RUNDC3B: variants seen among roughly 807,000 people sequenced by gnomAD.
The protein encoded by RUNDC3B is RUN domain-containing protein 3B.
RUNDC3B carries 33 observed loss-of-function variants against 58.4 expected under a neutral mutation model. The ratio of observed to expected loss-of-function variants is 0.56; its 90% CI spans 0.43 to 0.75. RUNDC3B has a LOEUF of 0.75. RUNDC3B is among the 30% of genes least tolerant of loss of function. The pLI is 0.00. For missense variants in RUNDC3B, 501 were observed against 535.7 expected, an observed-to-expected ratio of 0.94 and a Z score of 0.64; for synonymous variants, 193 against 195.2, an observed-to-expected ratio of 0.99 and a Z score of 0.10.
intron 4 of RUNDC3B, among the ~76,000 whole-genome samples, chr7:87,718,311 A>G (rs1207991820): frequency 6.6e-6 from 1 of 152,182 alleles, no homozygotes; most frequent in Non-Finnish European, 1.5e-5. Context: ...TTAGGGATTT[A>G]GTGCCTAGGG....
At position 87,645,687 on chromosome 7, in the gene RUNDC3B, A is replaced by G. The variant is rs143007812; in HGVS notation, c.123-5135A>G. 1.7e-3 allele frequency among the ~76,000 whole-genome samples: 265 copies of G among 152,308 alleles called. 1 individual carries two copies. Among genetic ancestry groups the G allele is most frequent in the African/African-American group, 6.0e-3 (248 of 41,572 alleles). On this transcript the variant is annotated intron_variant, in intron 1 of 10. Transcript: ENST00000394654. ...GCTCAGCATCTGTGTGATATTTCTT[A>G]GATATATTAAAATTCTTTCTACAGG... is the stretch of plus-strand genomic sequence containing the variant.
chr7:87,791,635 A>C (rs1448623329), intron 8 of RUNDC3B, among the ~76,000 whole-genome samples: 1 of 152,046 alleles, frequency 6.6e-6, no homozygotes, highest in Non-Finnish European at 1.5e-5. Flanking sequence ...TTATGTAATG[A>C]ATGTCATCAG....
chr7:87,639,131 G>A (rs1012582148), intron 1 of RUNDC3B, among the ~76,000 whole-genome samples: 1 of 132,226 alleles, frequency 7.6e-6, no homozygotes, highest in Non-Finnish European at 1.5e-5. Context: ...TCCAGCCTGG[G>A]CGACAGAGTG....
At chr7:87,771,529 C>A (rs780250907) in intron 7 of RUNDC3B, among the ~76,000 whole-genome samples, 1 of 152,066 alleles carries the variant, frequency 6.6e-6, no homozygotes, top group Non-Finnish European at 1.5e-5. Context: ...ATCTACATTG[C>A]AAAAATATGA....
chr7:87,693,536 G>A (rs1828205529), intron 2 of RUNDC3B, among the ~76,000 whole-genome samples: 2 of 152,090 alleles, frequency 1.3e-5, no homozygotes, highest in South Asian at 4.1e-4. Context: ...TAAGTTCTGA[G>A]GTGCATCGCC....
At chr7:87,706,064 T>C (rs1232875677) in intron 3 of RUNDC3B, among the ~76,000 whole-genome samples, 1 of 152,228 alleles carries the variant, frequency 6.6e-6, no homozygotes, top group Non-Finnish European at 1.5e-5. Context: ...GATTTGGCTT[T>C]CTTAGGTTTC....
chr7:87,816,022 G>A, intron 9 of RUNDC3B, 119 bp from the exon 10 acceptor site: 1 of 693,158 alleles, frequency 1.4e-6, no homozygotes, highest in Non-Finnish European at 2.4e-6. Flanking sequence ...AAATTTAGGA[G>A]AAATGCTGGG....
intron 4 of RUNDC3B, among the ~76,000 whole-genome samples, chr7:87,733,863 C>T (rs2130798832): frequency 6.6e-6 from 1 of 152,268 alleles, no homozygotes; most frequent in East Asian, 1.9e-4. Flanking sequence ...AGGCCACGGA[C>T]AGGTTCTGGT....
intron 6 of RUNDC3B, among the ~76,000 whole-genome samples, chr7:87,767,381 G>A (rs1380396109): frequency 2.0e-5 from 3 of 152,130 alleles, no homozygotes; most frequent in Admixed American, 6.5e-5. Flanking sequence ...GTGACTGTTA[G>A]GTATATTGTC....
chr7:87,752,642 A>G (rs371633265), intron 6 of RUNDC3B, among the ~76,000 whole-genome samples: 8 of 152,118 alleles, frequency 5.3e-5, no homozygotes, highest in South Asian at 4.2e-4. Flanking sequence ...ATTTCTTCTA[A>G]ATTTTCTAGT....
intron 6 of RUNDC3B, among the ~76,000 whole-genome samples, chr7:87,765,163 T>C (rs1254825675): frequency 6.6e-6 from 1 of 151,974 alleles, no homozygotes. Flanking sequence ...TTTCTGATTG[T>C]GCTTATTTTA....
chr7:87,725,874 C>T (rs1379446366), intron 4 of RUNDC3B, among the ~76,000 whole-genome samples: 1 of 152,156 alleles, frequency 6.6e-6, no homozygotes, highest in Non-Finnish European at 1.5e-5. Flanking sequence ...TGTCTGTTGG[C>T]TGCATAAATG....
chr7:87,667,854 T>C (rs1825418337), intron 2 of RUNDC3B, among the ~76,000 whole-genome samples: 1 of 152,110 alleles, frequency 6.6e-6, no homozygotes, highest in African/African-American at 2.4e-5. Context: ...CTTGATGGAT[T>C]AGCTTTTTGA....
chr7:87,710,748 T>C, intron 4 of RUNDC3B, 93 bp downstream of exon 4: 1 of 629,692 alleles, frequency 1.6e-6, no homozygotes, highest in South Asian at 2.7e-5. Context: ...ATTTCTAAAA[T>C]CCTCAACTGT....
chr7:87,731,668 G>T (rs1445208553), intron 4 of RUNDC3B, among the ~76,000 whole-genome samples: 3 of 152,102 alleles, frequency 2.0e-5, no homozygotes, highest in Non-Finnish European at 2.9e-5. Context: ...ATAAAAAGAG[G>T]CAAATGTCAG....
At chr7:87,667,011 A>G (rs1181651618) in intron 2 of RUNDC3B, among the ~76,000 whole-genome samples, 1 of 152,000 alleles carries the variant, frequency 6.6e-6, no homozygotes, top group African/African-American at 2.4e-5. Flanking sequence ...AATGGTTTTT[A>G]TCTAGTTCTG....
In RUNDC3B at chr7:87,770,006, T is replaced by C. The variant is rs147993313; in HGVS notation, c.630-575T>C. 4.9e-4 allele frequency among the ~76,000 whole-genome samples: 75 copies of C among 152,190 alleles called. 1 individual carries two copies. The highest frequency in any genetic ancestry group is 2.3e-3 in the South Asian group (11 of 4,826). On this transcript the variant is annotated intron_variant, in intron 6 of 10. Transcript: ENST00000394654. The stretch of plus-strand genomic sequence containing the variant: ...GAGGAATTTTAGATATGGATTGTGA[T>C]AGATGTTCTCTCTGCTCTACCTCTG...
chr7:87,749,731 T>C (rs1231107967), intron 6 of RUNDC3B, among the ~76,000 whole-genome samples: 1 of 152,042 alleles, frequency 6.6e-6, no homozygotes, highest in African/African-American at 2.4e-5. Context: ...AATTATAAAA[T>C]AAATAAAGAT....
At chr7:87,630,643 G>A (rs1420850997) in intron 1 of RUNDC3B, among the ~76,000 whole-genome samples, 1 of 149,770 alleles carries the variant, frequency 6.7e-6, no homozygotes, top group Non-Finnish European at 1.5e-5. Flanking sequence ...ATCAGCTTTT[G>A]TTAAACTTCA....
Sources: allele counts gnomAD v4.1 joint callset (sites outside exome capture counted in the v4.1 genomes callset), GRCh38; gene constraint gnomAD v4.1.1; transcripts MANE v1.5; gene names NCBI Gene and HGNC (gene_info 2026-07-23, HGNC 2026-07-21).